The following ANXA10 variants were observed in gnomAD, a reference collection of about 807,000 sequenced individuals.
ANXA10 encodes the protein annexin A10.
In ANXA10, 49 loss-of-function variants were observed where a neutral mutation model predicts 53.5. That is an observed-to-expected ratio of 0.92 (90% CI 0.73 to 1.16). The LOEUF (loss-of-function observed/expected upper bound fraction) is 1.16, where lower values mean the gene tolerates loss of function less well. Ranked by LOEUF, ANXA10 falls within the 50% of genes most tolerant of loss-of-function variation. ANXA10 has a pLI of 0.00. For synonymous variants in ANXA10, 131 were observed against 128.9 expected, an observed-to-expected ratio of 1.02 and a Z score of -0.11; for missense variants, 393 against 394.4, an observed-to-expected ratio of 1.00 and a Z score of 0.03.
At chr4:168,115,246 T>A (rs997726273) in intron 1 of ANXA10, among the ~76,000 whole-genome samples, 4 of 152,128 alleles carry the variant, frequency 2.6e-5, no homozygotes, top group African/African-American at 9.7e-5. Context: ...TCCATCTTGA[T>A]GCTGAATAAC....
intron 1 of ANXA10, among the ~76,000 whole-genome samples, chr4:168,098,992 A>G (rs1177297954): frequency 6.6e-6 from 1 of 152,144 alleles, no homozygotes; most frequent in East Asian, 1.9e-4. Flanking sequence ...GTATTTTATC[A>G]TTCTATCTCT....
intron 1 of ANXA10, among the ~76,000 whole-genome samples, chr4:168,120,794 G>A (rs57655690): frequency 0.023 from 3,557 of 152,058 alleles, 130 homozygotes; most frequent in African/African-American, 0.077. Context: ...ACTTTAAAAT[G>A]TCAATACTTA....
At chr4:168,161,788 T>C (rs1425484348) in intron 3 of ANXA10, among the ~76,000 whole-genome samples, 1 of 152,100 alleles carries the variant, frequency 6.6e-6, no homozygotes, top group African/African-American at 2.4e-5. Context: ...ATTCCCTTGT[T>C]AGCTGTATCC....
At chr4:168,094,300 T>C (rs900934936) in intron 1 of ANXA10, among the ~76,000 whole-genome samples, 1 of 152,156 alleles carries the variant, frequency 6.6e-6, no homozygotes, top group Non-Finnish European at 1.5e-5. Flanking sequence ...TACCTAAGAA[T>C]CCATTTTAAG....
At chr4:168,150,720 T>C (rs899102929) in intron 3 of ANXA10, among the ~76,000 whole-genome samples, 12 of 152,160 alleles carry the variant, frequency 7.9e-5, no homozygotes, top group Admixed American at 2.0e-4. Flanking sequence ...TGTTAGCATG[T>C]TGCGAGGGTG....
chr4:168,145,476 G>C (rs1320056), intron 3 of ANXA10, among the ~76,000 whole-genome samples: 100,913 of 152,096 alleles, frequency 0.66, 34,775 homozygotes, highest in African/African-American at 0.84. Flanking sequence ...CTAGTTCGGC[G>C]TATGACCAGG....
In ANXA10 at chr4:168,181,932, C is replaced by T. The variant is rs560582588; in HGVS notation, c.783+191C>T. On this transcript the variant is annotated intron_variant, in intron 10 of 11. Transcript: ENST00000359299. Reference sequence around the variant, plus strand: ...CATATCAGATAAAAATAATGTTCTGCTTTCTGTATCAAATTTAGGGAACCA... The same window carrying T: ...CATATCAGATAAAAATAATGTTCTGTTTTCTGTATCAAATTTAGGGAACCA... Among the ~76,000 whole-genome samples, 483 of 152,298 alleles carry T rather than the reference C, an allele frequency of 3.2e-3. 10 individuals are homozygous for T. Among genetic ancestry groups the T allele is most frequent in the Non-Finnish European group, 1.0e-3 (71 of 68,020 alleles).
At chr4:168,173,675 A>G (rs1691494251) in intron 6 of ANXA10, among the ~76,000 whole-genome samples, 1 of 152,162 alleles carries the variant, frequency 6.6e-6, no homozygotes, top group Non-Finnish European at 1.5e-5. Flanking sequence ...CAGGGATGGT[A>G]AAACCCAACC....
intron 1 of ANXA10, among the ~76,000 whole-genome samples, chr4:168,108,681 G>T (rs540899397): frequency 3.4e-4 from 51 of 152,212 alleles, no homozygotes; most frequent in African/African-American, 1.2e-3. Context: ...CTCTGGGAGC[G>T]CAACAAATTA....
chr4:168,144,152 CCT>C (rs1731370346), intron 3 of ANXA10, among the ~76,000 whole-genome samples: 1 of 151,980 alleles, frequency 6.6e-6, no homozygotes, highest in Non-Finnish European at 1.5e-5. Context: ...AATTAAGTGT[CCT>C]CTCTCCAGGT....
intron 8 of ANXA10, 159 bp downstream of exon 8, chr4:168,178,142 T>G (rs1732169966): frequency 1.6e-6 from 1 of 615,278 alleles, no homozygotes; most frequent in South Asian, 2.1e-5. Flanking sequence ...ATGTGCCTTA[T>G]TTAATGACAT....
intron 1 of ANXA10, among the ~76,000 whole-genome samples, chr4:168,114,754 G>C (rs1276408713): frequency 6.6e-6 from 1 of 152,126 alleles, no homozygotes; most frequent in African/African-American, 2.4e-5. Flanking sequence ...TTGGTTTTCT[G>C]TTCCTGTGTT....
At chr4:168,160,993 C>T (rs942167083) in intron 3 of ANXA10, among the ~76,000 whole-genome samples, 29 of 152,156 alleles carry the variant, frequency 1.9e-4, no homozygotes, top group African/African-American at 6.0e-4. Context: ...CAAAAACTTT[C>T]TCCCATTCTA....
At chr4:168,114,892 C>A (rs148263468) in intron 1 of ANXA10, among the ~76,000 whole-genome samples, 163 of 151,486 alleles carry the variant, frequency 1.1e-3, no homozygotes, top group African/African-American at 3.6e-3. Context: ...TTGTTATTTT[C>A]TTTTATTTTT....
chr4:168,110,766 T>C (rs75415692), intron 1 of ANXA10, among the ~76,000 whole-genome samples: 2,714 of 152,118 alleles, frequency 0.018, 43 homozygotes, highest in Non-Finnish European at 0.027. Context: ...CTTGCTTAAG[T>C]AAGTATTAAG....
chr4:168,156,346 G>C (rs535779891), intron 3 of ANXA10, among the ~76,000 whole-genome samples: 1 of 89,212 alleles, frequency 1.1e-5, no homozygotes, highest in Non-Finnish European at 2.3e-5. Flanking sequence ...TAGTATATAT[G>C]TTATATAATA....
chr4:168,102,507 C>T (rs367709848), intron 1 of ANXA10, among the ~76,000 whole-genome samples: 2 of 152,026 alleles, frequency 1.3e-5, no homozygotes, highest in South Asian at 4.1e-4. Context: ...AACTATTGAA[C>T]CTTTTGGACA....
At chr4:168,132,008 C>T (rs1731162977) in intron 2 of ANXA10, among the ~76,000 whole-genome samples, 1 of 152,022 alleles carries the variant, frequency 6.6e-6, no homozygotes, top group Non-Finnish European at 1.5e-5. Context: ...AAAGAGTACC[C>T]TTGTACATTG....
At chr4:168,145,014 G>A (rs1353744978) in intron 3 of ANXA10, among the ~76,000 whole-genome samples, 1 of 152,114 alleles carries the variant, frequency 6.6e-6, no homozygotes, top group Non-Finnish European at 1.5e-5. Flanking sequence ...AATTTAGTGG[G>A]TAGGGGGTCA....
Sources: allele counts gnomAD v4.1 joint callset (sites outside exome capture counted in the v4.1 genomes callset), GRCh38; gene constraint gnomAD v4.1.1; transcripts MANE v1.5; gene names NCBI Gene and HGNC (gene_info 2026-07-23, HGNC 2026-07-21).